The following CEP83 variants were observed in gnomAD, a reference collection of about 807,000 sequenced individuals.
CEP83 encodes the protein centrosomal protein of 83 kDa.
CEP83 carries 70 observed loss-of-function variants against 101.9 expected under a neutral mutation model. That is an observed-to-expected ratio of 0.69 (90% CI 0.57 to 0.84). The LOEUF is 0.84. Ranked by LOEUF, CEP83 falls within the 40% of genes least tolerant of loss-of-function variation. The probability of loss-of-function intolerance (pLI) is 0.00; values close to 1 mark genes in which losing one functional copy is unlikely to be tolerated. For missense variants in CEP83, 715 were observed against 787.2 expected, an observed-to-expected ratio of 0.91 and a Z score of 1.10; for synonymous variants, 264 against 267.9, an observed-to-expected ratio of 0.99 and a Z score of 0.14.
At chr12:94,419,703 A>T (rs1226697025) in intron 2 of CEP83, among the ~76,000 whole-genome samples, 2 of 152,186 alleles carry the variant, frequency 1.3e-5, no homozygotes, top group Non-Finnish European at 2.9e-5. Flanking sequence ...ACCTACCCAT[A>T]TAAGATAATT....
chr12:94,447,949 G>T (rs2066928874), intron 1 of CEP83, among the ~76,000 whole-genome samples: 1 of 152,018 alleles, frequency 6.6e-6, no homozygotes, highest in African/African-American at 2.4e-5. Context: ...GAAAAATGCA[G>T]ATGTAAATCC....
chr12:94,426,438 T>C (rs191129635), intron 2 of CEP83, among the ~76,000 whole-genome samples: 3 of 152,308 alleles, frequency 2.0e-5, no homozygotes, highest in South Asian at 2.1e-4. Context: ...ACAAGAAACA[T>C]GTCTTACTCA....
chr12:94,266,865 T>G, the CEP83 span, among the ~76,000 whole-genome samples: 1 of 152,254 alleles, frequency 6.6e-6, no homozygotes, highest in African/African-American at 2.4e-5. Flanking sequence ...CATTGAACCC[T>G]TGTTTAAAAT....
At chr12:94,451,872 T>C (rs1265564751) in intron 1 of CEP83, among the ~76,000 whole-genome samples, 1 of 152,132 alleles carries the variant, frequency 6.6e-6, no homozygotes. Flanking sequence ...GCATTATTCA[T>C]AACAGCCAAA....
chr12:94,316,543 C>G (rs927722991), intron 14 of CEP83, among the ~76,000 whole-genome samples: 9 of 121,464 alleles, frequency 7.4e-5, no homozygotes, highest in East Asian at 2.3e-4. Flanking sequence ...GCCTAGTACC[C>G]AAGTTATTTT....
At chr12:94,363,314 A>T (rs574508611) in intron 11 of CEP83, among the ~76,000 whole-genome samples, 1 of 152,320 alleles carries the variant, frequency 6.6e-6, no homozygotes, top group African/African-American at 2.4e-5. Flanking sequence ...ATTGTGTGTC[A>T]ATTAAGTTTT....
intron 6 of CEP83, among the ~76,000 whole-genome samples, chr12:94,391,663 A>C (rs1353187019): frequency 6.6e-6 from 1 of 152,216 alleles, no homozygotes; most frequent in Non-Finnish European, 1.5e-5. Context: ...TAAATGCACC[A>C]ATTAAAAGAC....
chr12:94,351,572 T>C (rs1175691996), intron 11 of CEP83, among the ~76,000 whole-genome samples: 1 of 152,038 alleles, frequency 6.6e-6, no homozygotes, highest in African/African-American at 2.4e-5. Flanking sequence ...GCTGATATAG[T>C]AGACCTAAAG....
intron 6 of CEP83, among the ~76,000 whole-genome samples, chr12:94,396,165 T>A (rs2062877372): frequency 6.6e-6 from 1 of 151,008 alleles, no homozygotes; most frequent in African/African-American, 2.4e-5. Context: ...AGTCCTAATA[T>A]AATAAAAACA....
the CEP83 span, among the ~76,000 whole-genome samples, chr12:94,280,481 A>AT: frequency 6.6e-5 from 10 of 152,222 alleles, no homozygotes; most frequent in African/African-American, 2.4e-4. Context: ...CTAAAAGGCC[A>AT]TTGATAAAGC....
At chr12:94,278,016 T>G in the CEP83 span, 6 of 456,008 alleles carry the variant, frequency 1.3e-5, no homozygotes, top group Non-Finnish European at 2.2e-5. Flanking sequence ...ACCTGGCTAG[T>G]GTCCACAGTA....
intron 2 of CEP83, among the ~76,000 whole-genome samples, chr12:94,430,840 CAAAAAG>C (rs1182112860): frequency 1.3e-5 from 2 of 152,044 alleles, no homozygotes; most frequent in East Asian, 3.9e-4. Context: ...CAATCAAAGA[CAAAAAG>C]AGAATTCCAA....
intron 6 of CEP83, among the ~76,000 whole-genome samples, chr12:94,398,103 G>A (rs1362920984): frequency 6.6e-6 from 1 of 152,222 alleles, no homozygotes; most frequent in Non-Finnish European, 1.5e-5. Flanking sequence ...TGTGCAAAGT[G>A]TAGGAGTACA....
chr12:94,418,507 A>C (rs544173521), intron 2 of CEP83, among the ~76,000 whole-genome samples: 1 of 152,346 alleles, frequency 6.6e-6, no homozygotes, highest in Admixed American at 6.5e-5. Context: ...CAGAAAATAG[A>C]CATACAAAAT....
At position 94,400,971 on chromosome 12, in the gene CEP83, T is replaced by G. The variant is rs1293214242; in HGVS notation, c.428A>C (p.Lys143Thr). The G allele has an allele frequency of 7.1e-7, 1 of 1,403,368 alleles. No homozygotes were observed. The highest frequency in any genetic ancestry group is 2.6e-5 in the Admixed American group (1 of 38,640). The allele number at this position is 1,403,368 out of a possible 1,614,324, so 86.9% of individuals were successfully genotyped here. A position where few individuals can be genotyped will look rare whatever the true frequency, so the allele number is the denominator to read the frequency against. Residue 143 changes from lysine to threonine, a missense_variant, in exon 6 of 17, where the codon AAG becomes ACG. Coordinates refer to ENST00000397809, the MANE Select transcript of CEP83 (RefSeq NM_016122.3). ...AAGCTTATTATATACAGCTCTATAC[T>G]TTTCTACCTCCTAAAGGGAGAATGC... is the stretch of plus-strand genomic sequence containing the variant. ...RFRNLDEEVE[K>T]YRAVYNKLRY...
chr12:94,400,547 A>T (rs539718942), intron 6 of CEP83, among the ~76,000 whole-genome samples: 4 of 152,204 alleles, frequency 2.6e-5, no homozygotes, highest in Non-Finnish European at 5.9e-5. Context: ...ATATTTGCAG[A>T]GAGAAGTCCA....
At position 94,308,464 on chromosome 12, in the gene CEP83, A is replaced by G. The variant is rs1253529835; in HGVS notation, c.*349T>C. 5.5e-6 allele frequency: 1 copy of G among 181,276 alleles called. No homozygotes were observed. The highest frequency in any genetic ancestry group is 6.0e-5 in the Admixed American group (1 of 16,778). 11.2% of individuals were successfully genotyped at this position (181,276 alleles called of 1,614,324 possible). A position where few individuals can be genotyped will look rare whatever the true frequency, so the allele number is the denominator to read the frequency against. On this transcript the variant is annotated 3_prime_UTR_variant, in exon 17 of 17. Coordinates refer to ENST00000397809, the MANE Select transcript of CEP83 (RefSeq NM_016122.3). ...CCTGTTATGGCCAAGCATCTCAAAG[A>G]TGAAGAGAGAATTAATGATAGTTAT... is the stretch of plus-strand genomic sequence containing the variant.
intron 6 of CEP83, among the ~76,000 whole-genome samples, chr12:94,400,071 CTT>C (rs2063161895): frequency 6.6e-6 from 1 of 152,134 alleles, no homozygotes; most frequent in African/African-American, 2.4e-5. Flanking sequence ...TATTTTAACT[CTT>C]AATTCTAAAT....
the CEP83 span, chr12:94,281,889 C>A: frequency 5.3e-6 from 1 of 188,994 alleles, no homozygotes; most frequent in Admixed American, 5.5e-5. Context: ...GGTGCTGGGA[C>A]CTTCGCACAC....
Sources: gnomAD v4.1 joint callset for allele counts (sites outside exome capture counted in the v4.1 genomes callset) on GRCh38, gnomAD v4.1.1 for gene constraint, MANE v1.5 for transcripts, NCBI Gene and HGNC (gene_info 2026-07-23, HGNC 2026-07-21) for gene names.